EPC2: variants seen among roughly 807,000 people sequenced by gnomAD.
EPC2 encodes enhancer of polycomb homolog 2.
EPC2 carries 14 observed loss-of-function variants against 92.1 expected under a neutral mutation model. The observed-to-expected ratio is 0.15, with a 90% CI of 0.10 to 0.24. The LOEUF is 0.24. Among genes scored for constraint, EPC2 ranks in the 10% least tolerant of loss-of-function variants. The pLI, the probability that EPC2 is intolerant of heterozygous loss-of-function variation, is 1.00. For synonymous variants in EPC2, 340 were observed against 334.7 expected (o/e 1.02, Z -0.17); for missense variants, 755 against 971.5 (o/e 0.78, Z 2.96).
intron 2 of EPC2, among the ~76,000 whole-genome samples, chr2:148,726,816 A>G (rs1357749991): frequency 1.5e-5 from 1 of 64,870 alleles, no homozygotes; most frequent in Non-Finnish European, 3.5e-5. Context: ...AGTTCTTTAT[A>G]TATTTGGATA....
Position 148,722,086 on chromosome 2 carries a change from A to G in EPC2, c.314-21536A>G, listed in dbSNP as rs139916549. On this transcript the variant is annotated intron_variant, in intron 2 of 13. Coordinates refer to ENST00000258484, the MANE Select transcript of EPC2 (RefSeq NM_015630.4). ...TAGTATGTCTTATAATTTTTCTTGA[A>G]AGGTGGACATGATGTAACTGGGTAA... is the stretch of plus-strand genomic sequence containing the variant. 3.9e-5 allele frequency among the ~76,000 whole-genome samples: 6 copies of G among 152,102 alleles called. No homozygotes were observed. In the East Asian group the frequency reaches 1.2e-3, roughly 29 times the overall value.
chr2:148,731,730 G>A (rs1682635747), intron 2 of EPC2, among the ~76,000 whole-genome samples: 1 of 152,140 alleles, frequency 6.6e-6, no homozygotes, highest in Non-Finnish European at 1.5e-5. Flanking sequence ...GAAAGTAGGG[G>A]CTTTGTATAA....
intron 11 of EPC2, among the ~76,000 whole-genome samples, chr2:148,782,518 T>TA (rs1683773661): frequency 6.6e-6 from 1 of 151,504 alleles, no homozygotes; most frequent in African/African-American, 2.4e-5. Context: ...GCCTGGGTGA[T>TA]AGAGTCAGAC....
chr2:148,679,536 T>C (rs1037925810), intron 1 of EPC2, among the ~76,000 whole-genome samples: 6 of 152,226 alleles, frequency 3.9e-5, no homozygotes, highest in Admixed American at 2.0e-4. Context: ...AAGAAAAGTA[T>C]AGGAGAACAT....
At chr2:148,655,122 T>C (rs1680764326) in intron 1 of EPC2, among the ~76,000 whole-genome samples, 1 of 152,232 alleles carries the variant, frequency 6.6e-6, no homozygotes, top group Non-Finnish European at 1.5e-5. Context: ...ACTATTAGCA[T>C]TCAATTTGTA....
intron 2 of EPC2, among the ~76,000 whole-genome samples, chr2:148,690,915 G>T (rs1452869046): frequency 6.6e-6 from 1 of 152,124 alleles, no homozygotes; most frequent in Non-Finnish European, 1.5e-5. Context: ...CACCCACCTC[G>T]GCCTCCCAGA....
chr2:148,726,335 T>C (rs1376790180), intron 2 of EPC2, among the ~76,000 whole-genome samples: 4 of 152,208 alleles, frequency 2.6e-5, no homozygotes, highest in African/African-American at 7.2e-5. Context: ...CTGGATCATA[T>C]AGTAGTTCTA....
At chr2:148,756,239 G>A (rs891420425) in intron 4 of EPC2, among the ~76,000 whole-genome samples, 1 of 152,138 alleles carries the variant, frequency 6.6e-6, no homozygotes, top group Non-Finnish European at 1.5e-5. Flanking sequence ...CTGCAAAGAG[G>A]TACACTTTCT....
chr2:148,702,341 C>A (rs1681908518), intron 2 of EPC2, among the ~76,000 whole-genome samples: 1 of 152,134 alleles, frequency 6.6e-6, no homozygotes, highest in African/African-American at 2.4e-5. Context: ...TTGCCTTTTT[C>A]TCTCTCTGTT....
intron 2 of EPC2, among the ~76,000 whole-genome samples, chr2:148,742,660 GTCCCA>G (rs1302112178): frequency 6.6e-6 from 1 of 151,626 alleles, no homozygotes; most frequent in Admixed American, 6.6e-5. Flanking sequence ...CACACCTGTA[GTCCCA>G]ACTTTACTTG....
chr2:148,778,452 T>G (rs1375023867), intron 10 of EPC2, among the ~76,000 whole-genome samples: 4 of 152,224 alleles, frequency 2.6e-5, no homozygotes, highest in African/African-American at 9.6e-5. Flanking sequence ...AGAAATCTCT[T>G]ATGAATGTAT....
At chr2:148,773,326 A>G (rs1023022822) in intron 10 of EPC2, among the ~76,000 whole-genome samples, 1 of 152,138 alleles carries the variant, frequency 6.6e-6, no homozygotes, top group Non-Finnish European at 1.5e-5. Flanking sequence ...TGTTAACATC[A>G]TAGACAACAA....
chr2:148,747,989 T>G (rs1401633142), intron 3 of EPC2, among the ~76,000 whole-genome samples: 1 of 152,098 alleles, frequency 6.6e-6, no homozygotes, highest in Non-Finnish European at 1.5e-5. Flanking sequence ...AAATATCATG[T>G]GGAATTGTGA....
At chr2:148,663,105 A>G (rs1159618099) in intron 1 of EPC2, among the ~76,000 whole-genome samples, 1 of 151,426 alleles carries the variant, frequency 6.6e-6, no homozygotes, top group Non-Finnish European at 1.5e-5. Context: ...TGATGGCAGC[A>G]CACTCTTGTG....
intron 4 of EPC2, among the ~76,000 whole-genome samples, chr2:148,761,543 G>A (rs1375270598): frequency 6.6e-6 from 1 of 152,094 alleles, no homozygotes; most frequent in Non-Finnish European, 1.5e-5. Context: ...ATCTCTTTAT[G>A]CCATTCTACC....
intron 2 of EPC2, among the ~76,000 whole-genome samples, chr2:148,708,810 A>T (rs997064064): frequency 6.6e-6 from 1 of 152,024 alleles, no homozygotes; most frequent in Admixed American, 6.6e-5. Context: ...CATGCTAAAA[A>T]CTCTCAATAA....
rs1450630327 is a variant in EPC2, at chr2:148,761,848, A to G, written c.733A>G (p.Ile245Val). 9 of 1,595,684 alleles carry G rather than the reference A, an allele frequency of 5.6e-6. No individual in the cohort carries two copies. The highest frequency in any genetic ancestry group is 4.0e-5 in the African/African-American group (3 of 74,086). The change falls in exon 5 of 14, where the codon ATA (isoleucine) becomes GTA (valine). Residue 245 changes from isoleucine (I) to valine (V), a missense_variant. Transcript: ENST00000258484. The part of the protein sequence containing the change: ...LKLRREFSRA[I>V]TILEMIKRRE... Reference sequence around the variant, plus strand: ...ACTGAGACGAGAATTTAGTAGAGCCATAACAATTTTGGAAATGATTAAGAG... The same window carrying G: ...ACTGAGACGAGAATTTAGTAGAGCCGTAACAATTTTGGAAATGATTAAGAG...
At chr2:148,663,416 C>T (rs1210464252) in intron 1 of EPC2, among the ~76,000 whole-genome samples, 3 of 150,988 alleles carry the variant, frequency 2.0e-5, no homozygotes, top group African/African-American at 7.3e-5. Flanking sequence ...GACAGGGTTT[C>T]ACCATGTTAG....
chr2:148,672,362 A>C (rs1247429582), intron 1 of EPC2, among the ~76,000 whole-genome samples: 1 of 152,180 alleles, frequency 6.6e-6, no homozygotes, highest in Non-Finnish European at 1.5e-5. Context: ...AATCTCTTGT[A>C]GATAGCATGT....
Sources: gnomAD v4.1 joint callset for allele counts (sites outside exome capture counted in the v4.1 genomes callset) on GRCh38, gnomAD v4.1.1 for gene constraint, MANE v1.5 for transcripts, NCBI Gene and HGNC (gene_info 2026-07-23, HGNC 2026-07-21) for gene names.